Variants in MCC observed in about 807,000 individuals in gnomAD.
MCC encodes the protein MCC regulator of Wnt signaling pathway.
In MCC, 90 loss-of-function variants were observed where a neutral mutation model predicts 116.2. That is an observed-to-expected ratio of 0.77 (90% confidence interval 0.65 to 0.92). The LOEUF (loss-of-function observed/expected upper bound fraction) is 0.92. MCC is among the 40% of genes least tolerant of loss of function. The pLI is 0.00. For synonymous variants in MCC, 578 were observed against 510.5 expected (o/e 1.13, Z -1.78); for missense variants, 1,516 against 1,312.2 (o/e 1.16, Z -2.40).
intron 15 of MCC, among the ~76,000 whole-genome samples, chr5:113,052,328 C>T (rs1045344463): frequency 3.9e-5 from 6 of 152,140 alleles, no homozygotes; most frequent in Non-Finnish European, 7.3e-5. Context: ...GGGGAAAAGT[C>T]GCTACAATGA....
chr5:113,317,467 ATGGG>A (rs1308697789), intron 3 of MCC, among the ~76,000 whole-genome samples: 1 of 152,200 alleles, frequency 6.6e-6, no homozygotes, highest in Non-Finnish European at 1.5e-5. Flanking sequence ...ATTTAATCAA[ATGGG>A]TCATCACTAA....
chr5:113,327,738 G>A (rs1767604892), intron 3 of MCC, among the ~76,000 whole-genome samples: 1 of 150,628 alleles, frequency 6.6e-6, no homozygotes, highest in Non-Finnish European at 1.5e-5. Context: ...AGGACAAAGA[G>A]CAGCTGACAT....
intron 3 of MCC, among the ~76,000 whole-genome samples, chr5:113,287,001 A>C (rs1376142861): frequency 1.3e-5 from 2 of 151,222 alleles, no homozygotes; most frequent in Non-Finnish European, 2.9e-5. Flanking sequence ...TTATCTGTGT[A>C]ATCCACATTA....
intron 1 of MCC, among the ~76,000 whole-genome samples, chr5:113,419,762 A>G (rs988320179): frequency 2.7e-5 from 4 of 150,486 alleles, no homozygotes; most frequent in African/African-American, 9.9e-5. Flanking sequence ...TCAGCAAACT[A>G]TCTCAGGGAC....
At chr5:113,033,083 G>A (rs1285501384) in intron 17 of MCC, among the ~76,000 whole-genome samples, 1 of 152,156 alleles carries the variant, frequency 6.6e-6, no homozygotes. Context: ...TTACTCTGTG[G>A]GCTTGCCCTG....
At chr5:113,227,600 T>TA (rs1763791920) in intron 3 of MCC, among the ~76,000 whole-genome samples, 2 of 152,168 alleles carry the variant, frequency 1.3e-5, no homozygotes, top group African/African-American at 4.8e-5. Flanking sequence ...CCTTCCATTT[T>TA]AAAAAATCTT....
chr5:113,164,362 A>G (rs1760661499), intron 3 of MCC, among the ~76,000 whole-genome samples: 1 of 152,228 alleles, frequency 6.6e-6, no homozygotes, highest in South Asian at 2.1e-4. Flanking sequence ...GTCTAGTTCC[A>G]CAAGTAGGAT....
chr5:113,190,613 C>A (rs1415121582), intron 3 of MCC, among the ~76,000 whole-genome samples: 1 of 152,142 alleles, frequency 6.6e-6, no homozygotes, highest in African/African-American at 2.4e-5. Flanking sequence ...AAAAACCAAA[C>A]AGACAAAACA....
At chr5:113,217,829 C>T (rs1407131814) in intron 3 of MCC, among the ~76,000 whole-genome samples, 1 of 151,912 alleles carries the variant, frequency 6.6e-6, no homozygotes, top group Non-Finnish European at 1.5e-5. Context: ...CTATCTAATC[C>T]CAGGAGACAA....
chr5:113,097,424 T>C (rs1299448895), intron 8 of MCC, among the ~76,000 whole-genome samples: 1 of 152,220 alleles, frequency 6.6e-6, no homozygotes, highest in South Asian at 2.1e-4. Context: ...TTGAGGCCAA[T>C]ACAACATATT....
chr5:113,220,616 TG>T (rs1763515438), intron 3 of MCC, among the ~76,000 whole-genome samples: 1 of 152,256 alleles, frequency 6.6e-6, no homozygotes, highest in African/African-American at 2.4e-5. Context: ...AATTTCTGAT[TG>T]TTCATTACTA....
At chr5:113,110,205 T>C (rs577330331) in intron 6 of MCC, among the ~76,000 whole-genome samples, 1 of 152,180 alleles carries the variant, frequency 6.6e-6, no homozygotes. Flanking sequence ...AGTTTATCTG[T>C]ACTGTGCCCC....
At chr5:113,483,535 T>C (rs1017483497) in intron 1 of MCC, among the ~76,000 whole-genome samples, 2 of 152,228 alleles carry the variant, frequency 1.3e-5, no homozygotes, top group Admixed American at 6.5e-5. Flanking sequence ...TATTTTTGTA[T>C]ATTTCTATAT....
intron 3 of MCC, among the ~76,000 whole-genome samples, chr5:113,163,508 T>C (rs2120347): frequency 1 from 151,911 of 152,104 alleles, 75,859 homozygotes; most frequent in Middle Eastern, 1. Context: ...CCTTTTTTCC[T>C]GTAACCCTTA....
chr5:113,249,702 G>C (rs1258446575), intron 3 of MCC, among the ~76,000 whole-genome samples: 4 of 152,184 alleles, frequency 2.6e-5, no homozygotes, highest in African/African-American at 9.7e-5. Flanking sequence ...TTGGGTTTCA[G>C]GGCAGAGAGC....
intron 3 of MCC, among the ~76,000 whole-genome samples, chr5:113,215,423 C>T (rs1457110932): frequency 3.3e-5 from 5 of 152,112 alleles, no homozygotes; most frequent in Admixed American, 3.3e-4. Flanking sequence ...AATACTGCAC[C>T]CTTCAAAATT....
intron 4 of MCC, among the ~76,000 whole-genome samples, chr5:113,144,449 G>C (rs1759372421): frequency 1.3e-5 from 2 of 152,174 alleles, no homozygotes; most frequent in Admixed American, 6.5e-5. Context: ...TTAGTGCCAA[G>C]AGCCATATGT....
chr5:113,236,743 G>C (rs915589043), intron 3 of MCC, among the ~76,000 whole-genome samples: 1 of 152,170 alleles, frequency 6.6e-6, no homozygotes, highest in Non-Finnish European at 1.5e-5. Flanking sequence ...TAAAAAGCCA[G>C]AAGAATACAC....
Position 113,046,685 on chromosome 5 carries a change from C to CAAAAAAAAAAAAAAAAAAAAAAA in MCC, c.2655+2385_2655+2407dup, listed in dbSNP as rs151183145. On this transcript the variant is annotated intron_variant, in intron 16 of 18. Coordinates refer to ENST00000408903, the MANE Select transcript of MCC (RefSeq NM_001085377.2). ...ACTGACTGCTAACAAACTCAAAAGG[C>CAAAAAAAAAAAAAAAAAAAAAAA]AAAAAAAAAAAAAAAAAAAAAAAAA... Among the ~76,000 whole-genome samples the CAAAAAAAAAAAAAAAAAAAAAAA allele has an allele frequency of 8.9e-4, 52 of 58,388 alleles. 2 individuals carry two copies. Among genetic ancestry groups the CAAAAAAAAAAAAAAAAAAAAAAA allele is most frequent in the East Asian group, 2.9e-3 (6 of 2,034 alleles). The allele number at this position is 58,388 out of a possible 152,430, so 38.3% of individuals were successfully genotyped here.
Sources: gnomAD v4.1 joint callset for allele counts (sites outside exome capture counted in the v4.1 genomes callset) on GRCh38, gnomAD v4.1.1 for gene constraint, MANE v1.5 for transcripts, NCBI Gene and HGNC (gene_info 2026-07-23, HGNC 2026-07-21) for gene names.